Variants in LRP1B observed in about 807,000 individuals in gnomAD.
LRP1B encodes low-density lipoprotein receptor-related protein 1B.
A neutral mutation model predicts 556.6 loss-of-function variants in LRP1B; 217 were observed. The observed-to-expected ratio is 0.39, with a 90% CI of 0.35 to 0.44. The LOEUF (loss-of-function observed/expected upper bound fraction) is 0.44. Among genes scored for constraint, LRP1B ranks in the 20% least tolerant of loss-of-function variants. The pLI, the probability that LRP1B is intolerant of heterozygous loss-of-function variation, is 1.00. For synonymous variants in LRP1B, 2,047 were observed against 1,865.8 expected, an observed-to-expected ratio of 1.10 and a Z score of -2.50; for missense variants, 5,053 against 5,620.8, an observed-to-expected ratio of 0.90 and a Z score of 3.23.
At chr2:142,121,260 C>T (rs544309879) in intron 1 of LRP1B, among the ~76,000 whole-genome samples, 2 of 152,214 alleles carry the variant, frequency 1.3e-5, no homozygotes, top group African/African-American at 2.4e-5. Flanking sequence ...CCTTCTTGTC[C>T]TTCTTTTCAG....
intron 19 of LRP1B, among the ~76,000 whole-genome samples, chr2:140,951,054 C>CA (rs1187966081): frequency 6.6e-6 from 1 of 152,078 alleles, no homozygotes; most frequent in Non-Finnish European, 1.5e-5. Flanking sequence ...AACAAGGAGG[C>CA]AATGGTGACT....
chr2:142,037,025 G>A (rs1703904852), intron 1 of LRP1B, among the ~76,000 whole-genome samples: 1 of 151,618 alleles, frequency 6.6e-6, no homozygotes, highest in African/African-American at 2.4e-5. Context: ...AGGACTATGT[G>A]TAATTATGAC....
intron 14 of LRP1B, among the ~76,000 whole-genome samples, chr2:141,008,143 T>C (rs746307339): frequency 6.6e-5 from 10 of 151,394 alleles, no homozygotes; most frequent in Non-Finnish European, 1.3e-4. Flanking sequence ...TTTAAGTAAC[T>C]ACAAATATGG....
At chr2:142,088,563 C>T (rs1415599323) in intron 1 of LRP1B, among the ~76,000 whole-genome samples, 2 of 152,084 alleles carry the variant, frequency 1.3e-5, no homozygotes, top group Non-Finnish European at 2.9e-5. Context: ...AGGATACCTT[C>T]GCCTACAAAA....
chr2:141,920,584 C>A (rs1183185398), intron 1 of LRP1B, among the ~76,000 whole-genome samples: 2 of 152,012 alleles, frequency 1.3e-5, no homozygotes, highest in African/African-American at 4.8e-5. Flanking sequence ...ACTGAGAAGA[C>A]TGAGATGAAT....
intron 66 of LRP1B, among the ~76,000 whole-genome samples, chr2:140,396,374 C>T (rs1004171142): frequency 5.3e-5 from 8 of 152,042 alleles, no homozygotes; most frequent in African/African-American, 1.9e-4. Flanking sequence ...TTGTCTGATC[C>T]TGATCAGAAC....
At chr2:141,778,783 C>A (rs1291974059) in intron 2 of LRP1B, among the ~76,000 whole-genome samples, 1 of 151,998 alleles carries the variant, frequency 6.6e-6, no homozygotes, top group African/African-American at 2.4e-5. Flanking sequence ...ACTTTTTTTT[C>A]TTTCCTTGCA....
intron 7 of LRP1B, among the ~76,000 whole-genome samples, chr2:141,108,334 C>CTTTTTTTTTTTT (rs60275697): frequency 1.7e-4 from 15 of 88,518 alleles, no homozygotes; most frequent in African/African-American, 3.4e-4. Context: ...TAATCTGTTT[C>CTTTTTTTTTTTT]TTTTTTTTTT....
chr2:142,025,407 G>A (rs925494418), intron 1 of LRP1B, among the ~76,000 whole-genome samples: 3 of 152,152 alleles, frequency 2.0e-5, no homozygotes, highest in Non-Finnish European at 1.5e-5. Context: ...AGTGAGGGAA[G>A]CACTTTTATT....
intron 41 of LRP1B, chr2:140,683,461 CT>C: frequency 5.4e-6 from 3 of 555,122 alleles, no homozygotes; most frequent in Non-Finnish European, 1.0e-5. Flanking sequence ...ATCATGTCTC[CT>C]TTTGGGGCAC....
intron 32 of LRP1B, among the ~76,000 whole-genome samples, chr2:140,808,278 G>A (rs1398859671): frequency 2.9e-5 from 4 of 139,558 alleles, no homozygotes; most frequent in Non-Finnish European, 6.4e-5. Flanking sequence ...CAATGTTAGA[G>A]GATTTCTATC....
chr2:140,506,773 C>T (rs1179144934), intron 53 of LRP1B, 23 bp downstream of exon 53: 1 of 1,597,232 alleles, frequency 6.3e-7, no homozygotes, highest in African/African-American at 1.4e-5. Context: ...GAATCTCCTT[C>T]ATGAAGTTTT....
At chr2:140,915,686 A>AAATAAATT (rs1445964375) in intron 21 of LRP1B, among the ~76,000 whole-genome samples, 1 of 130,124 alleles carries the variant, frequency 7.7e-6, no homozygotes, top group Non-Finnish European at 1.7e-5. Flanking sequence ...ATAAATAAAT[A>AAATAAATT]AAATAAATCT....
chr2:140,437,855 A>T (rs1220817939), intron 66 of LRP1B, among the ~76,000 whole-genome samples: 1 of 152,178 alleles, frequency 6.6e-6, no homozygotes, highest in Non-Finnish European at 1.5e-5. Flanking sequence ...TTGTTATTGT[A>T]GAAATTTAAA....
At chr2:141,327,979 G>T (rs1283697263) in intron 3 of LRP1B, among the ~76,000 whole-genome samples, 1 of 151,960 alleles carries the variant, frequency 6.6e-6, no homozygotes, top group Non-Finnish European at 1.5e-5. Flanking sequence ...TTATATTCAG[G>T]TTAATGCTTA....
chr2:140,827,465 C>T (rs978022556), intron 31 of LRP1B, among the ~76,000 whole-genome samples: 1 of 151,646 alleles, frequency 6.6e-6, no homozygotes, highest in African/African-American at 2.4e-5. Context: ...AAGTGAGAAA[C>T]AAGTTTCCTG....
intron 29 of LRP1B, among the ~76,000 whole-genome samples, chr2:140,844,361 C>T (rs751296746): frequency 2.0e-5 from 3 of 151,990 alleles, no homozygotes; most frequent in East Asian, 1.9e-4. Flanking sequence ...TAATTAGGCG[C>T]CCAGCCTAAT....
intron 42 of LRP1B, 32 bp from the exon 43 acceptor site, chr2:140,598,867 A>G: frequency 7.1e-7 from 1 of 1,416,122 alleles, no homozygotes; most frequent in South Asian, 1.2e-5. Context: ...ACTATAAATT[A>G]AACTTCTCAT....
chr2:141,404,749 A>T (rs1246296641), intron 3 of LRP1B, among the ~76,000 whole-genome samples: 3 of 152,184 alleles, frequency 2.0e-5, no homozygotes, highest in African/African-American at 7.2e-5. Context: ...TTAGGATGGG[A>T]TTCTTATGAG....
Sources: allele counts gnomAD v4.1 joint callset (sites outside exome capture counted in the v4.1 genomes callset), GRCh38; gene constraint gnomAD v4.1.1; transcripts MANE v1.5; gene names NCBI Gene and HGNC (gene_info 2026-07-23, HGNC 2026-07-21).